Variants in STARD9 observed in about 807,000 individuals in gnomAD.
The protein encoded by STARD9 is StAR related lipid transfer domain containing 9.
A neutral mutation model predicts 399.8 loss-of-function variants in STARD9; 346 were observed. That is an observed-to-expected ratio of 0.87 (90% CI 0.79 to 0.95). STARD9 has a LOEUF of 0.95. STARD9 is among the 40% of genes least tolerant of loss of function. STARD9 has a pLI of 0.00. For missense variants in STARD9, 5,832 were observed against 5,667.5 expected, an observed-to-expected ratio of 1.03 and a Z score of -0.93; for synonymous variants, 2,203 against 2,143.5, an observed-to-expected ratio of 1.03 and a Z score of -0.77.
chr15:42,670,282 G>A (rs2060179021), intron 16 of STARD9: 1 of 152,166 alleles, frequency 6.6e-6, no homozygotes, highest in South Asian at 2.1e-4. Flanking sequence ...AAGAGCTAGA[G>A]TAGTGTGATG....
chr15:42,610,725 T>C (rs2058830921), intron 3 of STARD9, among the ~76,000 whole-genome samples: 1 of 152,154 alleles, frequency 6.6e-6, no homozygotes. Flanking sequence ...TTTTGTACTT[T>C]TAGTAGAGAC....
chr15:42,686,338 A>G lies in STARD9; in HGVS notation c.4760A>G (p.Asp1587Gly). The G allele has an allele frequency of 1.3e-6, 2 of 1,537,504 alleles. No homozygotes were observed. The highest frequency in any genetic ancestry group is 1.2e-5 in the South Asian group (1 of 84,056). ...ACTAGTGAGAAAGAGGCGAGTTATG[A>G]CGAAACTTATTCGGCAGACTTAGAA... ...FSTSEKEASYDETYSADLESL... is the reference protein window; with the variant it reads ...FSTSEKEASYGETYSADLESL... The change falls in exon 23 of 33, where the codon GAC (aspartate) becomes GGC (glycine). Residue 1587 changes from aspartate to glycine, a missense_variant. Coordinates refer to ENST00000290607, the MANE Select transcript of STARD9 (RefSeq NM_020759.3).
chr15:42,587,538 G>C (rs1010501445), intron 3 of STARD9, among the ~76,000 whole-genome samples: 1 of 152,138 alleles, frequency 6.6e-6, no homozygotes, highest in Non-Finnish European at 1.5e-5. Flanking sequence ...GTCTAGGCTT[G>C]TCTTGTGGCC....
intron 26 of STARD9, among the ~76,000 whole-genome samples, chr15:42,716,023 C>A (rs1452287588): frequency 6.6e-6 from 1 of 152,080 alleles, no homozygotes; most frequent in Non-Finnish European, 1.5e-5. Context: ...TTTGTTTCCT[C>A]CTTTATTGTG....
intron 1 of STARD9, among the ~76,000 whole-genome samples, chr15:42,578,808 A>G (rs1466745970): frequency 6.6e-6 from 1 of 152,214 alleles, no homozygotes; most frequent in Non-Finnish European, 1.5e-5. Context: ...CAATCATCAC[A>G]AAAGGTTTTC....
At chr15:42,607,178 C>T (rs1487779047) in intron 3 of STARD9, among the ~76,000 whole-genome samples, 1 of 114,516 alleles carries the variant, frequency 8.7e-6, no homozygotes, top group African/African-American at 2.8e-5. Flanking sequence ...CAGCACAACC[C>T]TGCATTTTTC....
At chr15:42,597,102 TTTTG>T (rs2058522781) in intron 3 of STARD9, among the ~76,000 whole-genome samples, 2 of 152,190 alleles carry the variant, frequency 1.3e-5, no homozygotes, top group Admixed American at 6.5e-5. Flanking sequence ...TGTATATATA[TTTTG>T]TTTGTTTGAG....
chr15:42,655,046 C>T (rs2059837577), intron 9 of STARD9, among the ~76,000 whole-genome samples: 1 of 152,172 alleles, frequency 6.6e-6, no homozygotes, highest in South Asian at 2.1e-4. Context: ...CTTTGGGAGG[C>T]CGAGGCAGGC....
rs767113595 is a variant in STARD9, at chr15:42,689,013, C to A, written c.7435C>A (p.Leu2479Met). The part of the protein sequence containing the change: ...AVQKEIRVSS[L>M]NKVSSQPEKR... Reference sequence around the variant, plus strand: ...ACAAAAAGAAATAAGAGTCAGTTCACTGAACAAGGTCTCTAGCCAGCCTGA... The same window carrying A: ...ACAAAAAGAAATAAGAGTCAGTTCAATGAACAAGGTCTCTAGCCAGCCTGA... Residue 2479 changes from leucine to methionine, a missense_variant, in exon 23 of 33, where the codon CTG becomes ATG. By Grantham distance (15) the Leu-to-Met change is conservative. Coordinates refer to ENST00000290607, the MANE Select transcript of STARD9 (RefSeq NM_020759.3). 3 of 1,537,342 alleles carry A rather than the reference C, an allele frequency of 2.0e-6. No homozygotes were observed. In the East Asian group the frequency reaches 7.3e-5, roughly 38 times the overall value.
chr15:42,669,832 CT>C (rs1243939033), intron 16 of STARD9: 1 of 152,446 alleles, frequency 6.6e-6, no homozygotes, highest in Non-Finnish European at 1.5e-5. Context: ...GGGCAGATCA[CT>C]TGAGGTCAGG....
intron 3 of STARD9, among the ~76,000 whole-genome samples, chr15:42,625,228 T>C (rs1466167711): frequency 1.3e-5 from 2 of 151,772 alleles, no homozygotes; most frequent in African/African-American, 2.4e-5. Flanking sequence ...GGTTTCACCA[T>C]GTTGGCCAGG....
intron 3 of STARD9, among the ~76,000 whole-genome samples, chr15:42,592,439 T>C (rs1168331861): frequency 6.6e-6 from 1 of 152,122 alleles, no homozygotes; most frequent in East Asian, 1.9e-4. Flanking sequence ...TTTTTCTTTT[T>C]CTTTTTTCTT....
chr15:42,697,592 A>G (rs1463099011), intron 26 of STARD9, among the ~76,000 whole-genome samples: 1 of 152,192 alleles, frequency 6.6e-6, no homozygotes, highest in Non-Finnish European at 1.5e-5. Context: ...GAGCACTGTG[A>G]CACCGGAAGT....
At chr15:42,628,126 T>A (rs949228920) in intron 3 of STARD9, among the ~76,000 whole-genome samples, 8 of 152,238 alleles carry the variant, frequency 5.3e-5, no homozygotes, top group Non-Finnish European at 8.8e-5. Context: ...TAAAAGCCAT[T>A]TCTCCTGGGG....
Position 42,585,567 on chromosome 15 carries a change from T to C in STARD9, c.164T>C (p.Met55Thr), listed in dbSNP as rs750553410. 7.2e-5 allele frequency: 110 copies of C among 1,537,238 alleles called. 1 individual carries two copies. In the South Asian group the frequency reaches 1.0e-3, roughly 14 times the overall value. ...DGFGDSREKVMAFGFDYCYWS... is the reference protein window; with the variant it reads ...DGFGDSREKVTAFGFDYCYWS... Reference sequence around the variant, plus strand: ...TTTGGGGACTCCCGGGAGAAGGTTATGGCATTTGGCTTTGATTACTGCTAC... The same window carrying C: ...TTTGGGGACTCCCGGGAGAAGGTTACGGCATTTGGCTTTGATTACTGCTAC... Residue 55 changes from methionine (M) to threonine (T), a missense_variant, in exon 3 of 33, where the codon ATG becomes ACG. Physicochemically the swap from Met to Thr is moderately conservative, Grantham distance 81 (BLOSUM62 -1). This residue lies in a region of STARD9 where 5,828 missense variants were observed against 5,651.1 expected (regional missense o/e 1.03). Coordinates refer to ENST00000290607, the MANE Select transcript of STARD9 (RefSeq NM_020759.3).
intron 3 of STARD9, among the ~76,000 whole-genome samples, chr15:42,587,103 A>G (rs2058291983): frequency 6.6e-6 from 1 of 152,030 alleles, no homozygotes; most frequent in Non-Finnish European, 1.5e-5. Context: ...CAATTATCCT[A>G]CCTTGGCCTA....
chr15:42,680,382 T>G (rs992284603), intron 20 of STARD9, among the ~76,000 whole-genome samples: 7 of 151,998 alleles, frequency 4.6e-5, no homozygotes, highest in African/African-American at 1.7e-4. Flanking sequence ...GGGAGATCAC[T>G]TGAGGTAAGG....
chr15:42,697,688 C>T (rs190287691), intron 26 of STARD9, among the ~76,000 whole-genome samples: 325 of 152,238 alleles, frequency 2.1e-3, no homozygotes, highest in Non-Finnish European at 3.3e-3. Flanking sequence ...ATTTAAAACA[C>T]TATATGAAAT....
At position 42,718,433 on chromosome 15, in the gene STARD9, AGTGTACTTG is replaced by A; in HGVS notation, c.13766_13774del (p.Tyr4589_Val4591del). On this transcript the variant is annotated splice_acceptor_variant and coding_sequence_variant, in exon 31 of 33. Coordinates refer to ENST00000290607, the MANE Select transcript of STARD9 (RefSeq NM_020759.3). LOFTEE classifies it high-confidence loss of function. ...TGACCTTCCTTATCCCTGTCCCTCC[AGTGTACTTG>A]GTGTGCAACACCACCCTGTGCGCAC... The A allele has an allele frequency of 6.5e-7, 1 of 1,536,558 alleles. No homozygotes were observed.
Sources: gnomAD v4.1 joint callset for allele counts (sites outside exome capture counted in the v4.1 genomes callset) on GRCh38, gnomAD v4.1.1 for gene constraint, gnomAD v4.1.1 regional missense constraint, MANE v1.5 for transcripts, NCBI Gene and HGNC (gene_info 2026-07-23, HGNC 2026-07-21) for gene names.